GALNT13: variants seen among roughly 807,000 people sequenced by gnomAD.
The protein encoded by GALNT13 is polypeptide N-acetylgalactosaminyltransferase 13, also known as UDP-GalNAc:polypeptide N-acetylgalactosaminyltransferase 13.
GALNT13 carries 28 observed loss-of-function variants against 64.2 expected under a neutral mutation model. The observed-to-expected ratio is 0.44, with a 90% CI of 0.32 to 0.60. The LOEUF (loss-of-function observed/expected upper bound fraction) is 0.60. Among genes scored for constraint, GALNT13 ranks in the 20% least tolerant of loss-of-function variants. The pLI is 0.05. For synonymous variants in GALNT13, 214 were observed against 224.6 expected (o/e 0.95, Z 0.42); for missense variants, 577 against 669.8 (o/e 0.86, Z 1.53).
At chr2:153,301,876 T>TG in the GALNT13 span, among the ~76,000 whole-genome samples, 5 of 116,880 alleles carry the variant, frequency 4.3e-5, no homozygotes, top group African/African-American at 1.6e-4. Flanking sequence ...AGTATTCCAC[T>TG]TTGTGTGTGT....
At chr2:153,099,752 C>T in the GALNT13 span, among the ~76,000 whole-genome samples, 1 of 152,076 alleles carries the variant, frequency 6.6e-6, no homozygotes, top group Non-Finnish European at 1.5e-5. Flanking sequence ...TTCCTTTTAT[C>T]ACTTTGCATA....
intron 10 of GALNT13, among the ~76,000 whole-genome samples, chr2:154,401,292 T>C (rs1471018307): frequency 6.6e-6 from 1 of 152,140 alleles, no homozygotes; most frequent in Non-Finnish European, 1.5e-5. Flanking sequence ...GCTAAAACGC[T>C]TAAAAGTTTA....
intron 9 of GALNT13, among the ~76,000 whole-genome samples, chr2:154,354,405 C>CTTTTTTTTTTTTTT (rs546187850): frequency 5.0e-5 from 3 of 60,360 alleles, no homozygotes; most frequent in African/African-American, 2.1e-4. Context: ...TGATGTAGTC[C>CTTTTTTTTTTTTTT]TTTTTTTTTT....
At chr2:153,539,952 A>G in the GALNT13 span, among the ~76,000 whole-genome samples, 1 of 152,218 alleles carries the variant, frequency 6.6e-6, no homozygotes, top group Non-Finnish European at 1.5e-5. Context: ...ATATGGTAGA[A>G]AAGAAAAACC....
the GALNT13 span, among the ~76,000 whole-genome samples, chr2:153,613,450 G>T: frequency 1.3e-5 from 2 of 152,084 alleles, no homozygotes; most frequent in African/African-American, 2.4e-5. Flanking sequence ...TGCAAAAAGT[G>T]CTATCTATAT....
At chr2:153,917,077 A>G (rs1412892062) in intron 2 of GALNT13, among the ~76,000 whole-genome samples, 2 of 152,160 alleles carry the variant, frequency 1.3e-5, no homozygotes, top group African/African-American at 4.8e-5. Context: ...TTAGTTGATG[A>G]GATGACCTCT....
At chr2:153,893,472 G>GA (rs1687687173) in intron 1 of GALNT13, among the ~76,000 whole-genome samples, 1 of 151,884 alleles carries the variant, frequency 6.6e-6, no homozygotes, top group Non-Finnish European at 1.5e-5. Context: ...AAAAGAATAT[G>GA]AAAATTACTT....
At chr2:153,490,566 C>T in the GALNT13 span, among the ~76,000 whole-genome samples, 1 of 151,970 alleles carries the variant, frequency 6.6e-6, no homozygotes, top group African/African-American at 2.4e-5. Flanking sequence ...TTTTAATAGA[C>T]AAAGGGTTTC....
At chr2:153,101,187 A>T in the GALNT13 span, among the ~76,000 whole-genome samples, 8 of 152,258 alleles carry the variant, frequency 5.3e-5, no homozygotes, top group East Asian at 1.5e-3. Flanking sequence ...ATAGGTCCAG[A>T]ACACAATTGC....
intron 10 of GALNT13, 80 bp downstream of exon 10, chr2:154,396,210 G>A: frequency 1.1e-6 from 1 of 897,216 alleles, no homozygotes; most frequent in Non-Finnish European, 1.6e-6. Context: ...TATTTTTTAT[G>A]TTATGAAAAT....
At chr2:153,517,400 G>A in the GALNT13 span, among the ~76,000 whole-genome samples, 1 of 152,174 alleles carries the variant, frequency 6.6e-6, no homozygotes, top group Non-Finnish European at 1.5e-5. Flanking sequence ...TCTAGGAGAA[G>A]TGATTGACTT....
intron 1 of GALNT13, among the ~76,000 whole-genome samples, chr2:153,899,930 TATATA>T (rs1208178711): frequency 3.4e-5 from 3 of 88,322 alleles, no homozygotes; most frequent in Admixed American, 2.6e-4. Context: ...TATATATATA[TATATA>T]TTTTTTTTTT....
the GALNT13 span, among the ~76,000 whole-genome samples, chr2:153,628,364 T>C: frequency 6.6e-6 from 1 of 152,056 alleles, no homozygotes; most frequent in Non-Finnish European, 1.5e-5. Context: ...TTGCCCTGGC[T>C]AGAACTTCCA....
At chr2:154,209,539 TG>T (rs1687653664) in intron 4 of GALNT13, among the ~76,000 whole-genome samples, 3 of 152,172 alleles carry the variant, frequency 2.0e-5, no homozygotes, top group Admixed American at 6.6e-5. Context: ...CATGTTTTAC[TG>T]CTTTACCACT....
chr2:153,376,099 C>A, the GALNT13 span, among the ~76,000 whole-genome samples: 3,541 of 152,226 alleles, frequency 0.023, 133 homozygotes, highest in African/African-American at 0.08. Flanking sequence ...CAAACACCCC[C>A]AACTAGGTCC....
upstream of GALNT13, among the ~76,000 whole-genome samples, chr2:153,869,432 T>G (rs1266996840): frequency 2.0e-5 from 3 of 152,216 alleles, no homozygotes; most frequent in African/African-American, 7.2e-5. Context: ...TCAGCTTTTC[T>G]TTGACTTTCA....
At chr2:153,358,879 T>C in the GALNT13 span, among the ~76,000 whole-genome samples, 43 of 152,154 alleles carry the variant, frequency 2.8e-4, no homozygotes, top group Non-Finnish European at 5.6e-4. Context: ...TTGTAGCTGG[T>C]AGGACACATC....
the GALNT13 span, among the ~76,000 whole-genome samples, chr2:153,144,343 A>G: frequency 1.3e-5 from 2 of 151,924 alleles, no homozygotes; most frequent in African/African-American, 2.4e-5. Flanking sequence ...AGGAGCCTGG[A>G]TATGTAGAAC....
intron 9 of GALNT13, among the ~76,000 whole-genome samples, chr2:154,370,892 A>C (rs889308906): frequency 6.6e-6 from 1 of 152,144 alleles, no homozygotes; most frequent in Non-Finnish European, 1.5e-5. Flanking sequence ...TCTCAGAATT[A>C]AGTCTCAGGG....
Sources: allele counts gnomAD v4.1 joint callset (sites outside exome capture counted in the v4.1 genomes callset), GRCh38; gene constraint gnomAD v4.1.1; transcripts MANE v1.5; gene names NCBI Gene and HGNC (gene_info 2026-07-23, HGNC 2026-07-21).